Variants in ATXN7 observed in about 807,000 individuals in gnomAD.
ATXN7 encodes the protein ataxin-7.
Under a neutral mutation model 70.5 loss-of-function variants are expected in ATXN7, and 12 were observed. The observed-to-expected ratio is 0.17, with a 90% confidence interval of 0.11 to 0.28. The LOEUF is 0.28. Ranked by LOEUF, ATXN7 falls within the 10% of genes least tolerant of loss-of-function variation. The pLI is 1.00. For missense variants in ATXN7, 1,256 were observed against 1,131.7 expected (o/e 1.11, Z -1.58); for synonymous variants, 498 against 448.7 (o/e 1.11, Z -1.39).
intron 12 of ATXN7, chr3:63,998,322 T>A (rs2075792991): frequency 1.0e-6 from 1 of 985,242 alleles, no homozygotes; most frequent in Admixed American, 6.2e-5. Context: ...AGATCTGGAC[T>A]TGCATGTGAA....
At chr3:63,977,288 A>G (rs1485656115) in intron 5 of ATXN7, among the ~76,000 whole-genome samples, 1 of 152,248 alleles carries the variant, frequency 6.6e-6, no homozygotes, top group African/African-American at 2.4e-5. Flanking sequence ...TCTCAAAACA[A>G]GCTTCATAGC....
At chr3:63,913,755 A>G (rs1423328773) in intron 4 of ATXN7, among the ~76,000 whole-genome samples, 1 of 152,160 alleles carries the variant, frequency 6.6e-6, no homozygotes, top group African/African-American at 2.4e-5. Flanking sequence ...TCACGGGGGA[A>G]AGAAAGCCAG....
At chr3:63,960,520 G>C (rs918645675) in intron 5 of ATXN7, among the ~76,000 whole-genome samples, 1 of 152,182 alleles carries the variant, frequency 6.6e-6, no homozygotes, top group African/African-American at 2.4e-5. Flanking sequence ...GATCAGGAGA[G>C]AAAGCTTAGA....
intron 9 of ATXN7, among the ~76,000 whole-genome samples, chr3:63,989,863 T>A (rs2075639969): frequency 6.6e-6 from 1 of 152,214 alleles, no homozygotes. Context: ...AGAATTCTGT[T>A]AAATTCCACA....
chr3:63,930,259 G>C (rs1296180077), intron 4 of ATXN7, among the ~76,000 whole-genome samples: 2 of 152,146 alleles, frequency 1.3e-5, no homozygotes, highest in Non-Finnish European at 2.9e-5. Context: ...CAAATCCCCA[G>C]GAAATTTTAA....
chr3:63,906,070 C>G (rs1215883799), intron 2 of ATXN7, among the ~76,000 whole-genome samples: 4 of 152,146 alleles, frequency 2.6e-5, no homozygotes, highest in Non-Finnish European at 1.5e-5. Context: ...TAACTGTATT[C>G]ATTCATAGTC....
At chr3:63,880,739 A>G (rs757489408) in intron 1 of ATXN7, among the ~76,000 whole-genome samples, 1 of 152,164 alleles carries the variant, frequency 6.6e-6, no homozygotes, top group Admixed American at 6.5e-5. Context: ...GACAAAATTC[A>G]GTGACTTTGT....
intron 5 of ATXN7, among the ~76,000 whole-genome samples, chr3:63,963,631 C>T (rs2075167917): frequency 6.6e-6 from 1 of 152,176 alleles, no homozygotes; most frequent in Non-Finnish European, 1.5e-5. Context: ...ACTTCTGCTC[C>T]TTTTCTACTC....
chr3:63,951,639 A>G (rs2074954750), intron 4 of ATXN7, among the ~76,000 whole-genome samples: 1 of 152,230 alleles, frequency 6.6e-6, no homozygotes, highest in Non-Finnish European at 1.5e-5. Context: ...GAGATGTTTT[A>G]GTTAACCATA....
chr3:63,868,275 C>T (rs1452002933), intron 1 of ATXN7, among the ~76,000 whole-genome samples: 1 of 152,130 alleles, frequency 6.6e-6, no homozygotes, highest in Admixed American at 6.5e-5. Context: ...ACTTAAAATT[C>T]AAATTTGGTT....
intron 2 of ATXN7, among the ~76,000 whole-genome samples, chr3:63,909,798 C>G (rs1703950803): frequency 6.6e-6 from 1 of 152,058 alleles, no homozygotes; most frequent in South Asian, 2.1e-4. Context: ...GAAGAAATAC[C>G]AGGAAATGCC....
At chr3:63,901,239 G>T (rs1012430158) in intron 2 of ATXN7, 8 of 152,070 alleles carry the variant, frequency 5.3e-5, no homozygotes. Flanking sequence ...ATTAACGTAG[G>T]CATTACTTCT....
At chr3:63,890,452 A>C (rs1703224049) in intron 1 of ATXN7, among the ~76,000 whole-genome samples, 1 of 152,186 alleles carries the variant, frequency 6.6e-6, no homozygotes, top group African/African-American at 2.4e-5. Context: ...TGCTTAACCC[A>C]TCAATGTAAC....
At chr3:63,991,178 T>C (rs2075665790) in intron 11 of ATXN7, among the ~76,000 whole-genome samples, 1 of 152,076 alleles carries the variant, frequency 6.6e-6, no homozygotes, top group Admixed American at 6.6e-5. Flanking sequence ...AGTGACAGAA[T>C]GGAAACAATA....
chr3:63,885,407 T>C (rs1250695369), intron 1 of ATXN7, among the ~76,000 whole-genome samples: 1 of 152,182 alleles, frequency 6.6e-6, no homozygotes, highest in Non-Finnish European at 1.5e-5. Context: ...ACCTCACTCC[T>C]GTTAGAATGG....
At position 63,990,228 on chromosome 3, in the gene ATXN7, C is replaced by T; in HGVS notation, c.1414C>T (p.Pro472Ser). Residue 472 changes from proline (P) to serine (S), a missense_variant, in exon 10 of 13, where the codon CCA becomes TCA. Pro to Ser is a moderately conservative substitution (Grantham distance 74). Transcript: ENST00000674280. ...QGGSAPIDPPPVHESPHPPLP... is the reference protein window; with the variant it reads ...QGGSAPIDPPSVHESPHPPLP... ...TGGGAGTGCCCCCATTGACCCTCCT[C>T]CAGTCCATGAATCTCCACACCCTCC... 1 of 1,613,958 alleles carries T rather than the reference C, an allele frequency of 6.2e-7. No homozygotes were observed.
chr3:63,866,071 C>T (rs947413938), intron 1 of ATXN7, among the ~76,000 whole-genome samples: 4 of 151,842 alleles, frequency 2.6e-5, no homozygotes, highest in Non-Finnish European at 4.4e-5. Flanking sequence ...CTTAAATTTT[C>T]GTGAGATACT....
At chr3:63,863,559 A>C, upstream of ATXN7, 1 of 1,196,470 alleles carries the variant, frequency 8.4e-7, no homozygotes, top group African/African-American at 1.6e-5. Flanking sequence ...AGGGTCTCCG[A>C]GGGGCGCTCG....
intron 1 of ATXN7, among the ~76,000 whole-genome samples, chr3:63,866,191 G>A (rs1018482932): frequency 6.6e-6 from 1 of 152,146 alleles, no homozygotes; most frequent in African/African-American, 2.4e-5. Context: ...ATAAGACCAA[G>A]AGGAATTTGA....
Sources: gnomAD v4.1 joint callset for allele counts (sites outside exome capture counted in the v4.1 genomes callset) on GRCh38, gnomAD v4.1.1 for gene constraint, MANE v1.5 for transcripts, NCBI Gene and HGNC (gene_info 2026-07-23, HGNC 2026-07-21) for gene names.